RARS2: variants seen among roughly 807,000 people sequenced by gnomAD.
RARS2 encodes probable arginine--tRNA ligase, mitochondrial.
A neutral mutation model predicts 88.5 loss-of-function variants in RARS2; 67 were observed. The ratio of observed to expected loss-of-function variants is 0.76; its 90% CI spans 0.62 to 0.93. The LOEUF (loss-of-function observed/expected upper bound fraction) is 0.93, where lower values mean the gene tolerates loss of function less well. Ranked by LOEUF, RARS2 falls within the 40% of genes least tolerant of loss-of-function variation. The pLI is 0.00. For synonymous variants in RARS2, 239 were observed against 230.3 expected, an observed-to-expected ratio of 1.04 and a Z score of -0.34; for missense variants, 664 against 684.2, an observed-to-expected ratio of 0.97 and a Z score of 0.33.
In RARS2 at chr6:87,514,490, G is replaced by C; in HGVS notation, c.1660C>G (p.His554Asp). The stretch of plus-strand genomic sequence containing the variant: ...ACAGAACGGACAGCTTTGAAAAGAT[G>C]AAGTCTGGCCTACAAAATAAATCAA... ...SPPEVAGARL[H>D]LFKAVRSVLA... is the part of the protein sequence containing the mutation. The change falls in exon 20 of 20, where the codon CAT (histidine) becomes GAT (aspartate). Residue 554 changes from histidine (H) to aspartate (D), a missense_variant. Transcript: ENST00000369536. 6.2e-7 allele frequency: 1 copy of C among 1,610,912 alleles called. No homozygotes were observed. Among genetic ancestry groups the C allele is most frequent in the Non-Finnish European group, 8.5e-7 (1 of 1,177,204 alleles).
rs758894784 is a variant in RARS2 at position 87,518,676 on chromosome 6, C to T, written c.1369G>A (p.Gly457Arg). ...FSWDRVFQSR[G>R]DTGVFLQYTH... ...TACTGTAGGAAGACTCCTGTGTCCC[C>T]GCGACTCTGGAAAACACGATCCCAG... The change falls in exon 16 of 20, where the codon GGG (glycine) becomes AGG (arginine). Residue 457 changes from glycine (G) to arginine (R), a missense_variant. Transcript: ENST00000369536. 1.1e-5 allele frequency: 18 copies of T among 1,613,856 alleles called. No individual in the cohort carries two copies. The highest frequency in any genetic ancestry group is 6.7e-5 in the East Asian group (3 of 44,880).
At chr6:87,543,485 T>C (rs961033616) in intron 7 of RARS2, among the ~76,000 whole-genome samples, 11 of 151,218 alleles carry the variant, frequency 7.3e-5, no homozygotes, top group African/African-American at 2.7e-4. Flanking sequence ...CTACTAAAAA[T>C]ACAAAATTAG....
At chr6:87,517,554 G>A (rs1655062858) in intron 17 of RARS2, among the ~76,000 whole-genome samples, 1 of 152,184 alleles carries the variant, frequency 6.6e-6, no homozygotes, top group Non-Finnish European at 1.5e-5. Context: ...TATTGTACAT[G>A]TGAGTAAATT....
rs142781818 is a variant in RARS2, at chr6:87,536,463, C to T, written c.612+5455G>A. On this transcript the variant is annotated intron_variant, in intron 8 of 19. Transcript: ENST00000369536. ...CAGCCTGGCCAACATGGTGAAACCC[C>T]GTCTCTAGCAAAAATACAAAAAAAT... Among the ~76,000 whole-genome samples, 1,006 of 151,602 alleles carry T rather than the reference C, an allele frequency of 6.6e-3. 9 individuals are homozygous for T. Among genetic ancestry groups the T allele is most frequent in the African/African-American group, 0.023 (953 of 41,358 alleles).
Position 87,524,599 on chromosome 6 carries a change from C to A in RARS2, c.932G>T (p.Cys311Phe). The change falls in exon 11 of 20, where the codon TGT becomes TTT. Residue 311 changes from cysteine (C) to phenylalanine (F), a missense_variant. Physicochemically the swap from Cys to Phe is radical, Grantham distance 205. Transcript: ENST00000369536. ...AGTCCCATCACTTCGCATTACAGTA[C>A]AAATTGAGGAGGGGTCGCCATTCCC... ...LSGNGDPSSI[C>F]TVMRSDGTSL... 1 of 1,613,740 alleles carries A rather than the reference C, an allele frequency of 6.2e-7. No individual in the cohort carries two copies.
At chr6:87,581,972 T>C (rs533465469) in intron 1 of RARS2, among the ~76,000 whole-genome samples, 2 of 152,344 alleles carry the variant, frequency 1.3e-5, no homozygotes, top group Admixed American at 6.5e-5. Context: ...ATGGTGTATA[T>C]GTACCAACCA....
At chr6:87,575,064 C>T (rs1381048899) in intron 1 of RARS2, among the ~76,000 whole-genome samples, 1 of 95,848 alleles carries the variant, frequency 1.0e-5, no homozygotes, top group Non-Finnish European at 2.0e-5. Context: ...AGCAACCAGT[C>T]ATAAGGATAG....
At position 87,530,904 on chromosome 6, in the gene RARS2, T is replaced by G; in HGVS notation, c.651A>C (p.Lys217Asn). 6.2e-7 allele frequency: 1 copy of G among 1,614,202 alleles called. No homozygotes were observed. Among genetic ancestry groups the G allele is most frequent in the South Asian group, 1.1e-5 (1 of 91,088 alleles). The change falls in exon 9 of 20, where the codon AAA (lysine) becomes AAC (asparagine). Residue 217 changes from lysine (K) to asparagine (N), a missense_variant. Transcript: ENST00000369536. ...VQVNKEAADD[K>N]SVAKAAQEFF... is the part of the protein sequence containing the mutation. ...ACTCCTGTGCTGCTTTTGCTACACT[T>G]TTATCATCTGCTGCTTCTTTATTAA...
At chr6:87,544,759 A>ATCTCATTATAT in intron 7 of RARS2, among the ~76,000 whole-genome samples, 1 of 151,988 alleles carries the variant, frequency 6.6e-6, no homozygotes, top group Non-Finnish European at 1.5e-5. Context: ...AATTTGTGGT[A>ATCTCATTATAT]GTACTTAACT....
At chr6:87,587,613 T>C (rs1413156934) in intron 1 of RARS2, among the ~76,000 whole-genome samples, 3 of 152,202 alleles carry the variant, frequency 2.0e-5, no homozygotes, top group African/African-American at 7.2e-5. Flanking sequence ...ATTGATGATG[T>C]GGCTTTGGGT....
intron 5 of RARS2, among the ~76,000 whole-genome samples, chr6:87,552,789 T>C (rs1784770803): frequency 6.6e-6 from 1 of 152,066 alleles, no homozygotes; most frequent in African/African-American, 2.4e-5. Context: ...TAAGTAATGG[T>C]GGCAACTTTT....
intron 6 of RARS2, among the ~76,000 whole-genome samples, chr6:87,546,000 A>G (rs1782520039): frequency 6.6e-6 from 1 of 152,002 alleles, no homozygotes; most frequent in African/African-American, 2.4e-5. Context: ...GTCAATTTCA[A>G]GAAGAGAAAA....
chr6:87,577,633 C>A (rs886833702), intron 1 of RARS2, among the ~76,000 whole-genome samples: 5 of 152,150 alleles, frequency 3.3e-5, no homozygotes, highest in African/African-American at 1.2e-4. Flanking sequence ...TGGTAAGCAT[C>A]TTATCTGGTT....
chr6:87,577,781 A>G (rs1427840878), intron 1 of RARS2, among the ~76,000 whole-genome samples: 2 of 152,226 alleles, frequency 1.3e-5, no homozygotes, highest in African/African-American at 2.4e-5. Context: ...GAGAGTGCCA[A>G]TGTCTTCATC....
intron 1 of RARS2, chr6:87,584,674 A>G (rs1414240084): frequency 2.1e-6 from 1 of 465,466 alleles, no homozygotes; most frequent in Non-Finnish European, 4.3e-6. Context: ...AAGACTGAGG[A>G]TGCTGAGAGA....
intron 1 of RARS2, among the ~76,000 whole-genome samples, chr6:87,572,519 C>A (rs1266606782): frequency 6.6e-6 from 1 of 151,876 alleles, no homozygotes; most frequent in African/African-American, 2.4e-5. Flanking sequence ...TTGGAGAATT[C>A]TTTTGGCTAA....
intron 8 of RARS2, among the ~76,000 whole-genome samples, chr6:87,538,282 T>C (rs1471621411): frequency 3.3e-5 from 5 of 152,208 alleles, no homozygotes; most frequent in African/African-American, 1.2e-4. Context: ...TTAAATGCAG[T>C]TTCCCAGTGA....
intron 12 of RARS2, among the ~76,000 whole-genome samples, chr6:87,521,157 AAAC>A (rs1773700110): frequency 6.6e-6 from 1 of 152,236 alleles, no homozygotes; most frequent in South Asian, 2.1e-4. Flanking sequence ...AGTTATTTAA[AAAC>A]AACTGTTGAG....
intron 1 of RARS2, among the ~76,000 whole-genome samples, chr6:87,584,273 G>A (rs929791241): frequency 1.3e-5 from 2 of 152,170 alleles, no homozygotes; most frequent in Admixed American, 1.3e-4. Flanking sequence ...GCTATGAATA[G>A]TAAAATCCTT....
Sources: allele counts gnomAD v4.1 joint callset (sites outside exome capture counted in the v4.1 genomes callset), GRCh38; gene constraint gnomAD v4.1.1; transcripts MANE v1.5; gene names NCBI Gene and HGNC (gene_info 2026-07-23, HGNC 2026-07-21).